CLDN16: variants seen among roughly 807,000 people sequenced by gnomAD.
CLDN16 encodes claudin-16.
CLDN16 carries 13 observed loss-of-function variants against 24.6 expected under a neutral mutation model. The observed-to-expected ratio is 0.53, with a 90% CI of 0.34 to 0.84. CLDN16 has a LOEUF of 0.84. Ranked by LOEUF, CLDN16 falls within the 40% of genes least tolerant of loss-of-function variation. CLDN16 has a pLI of 0.01. For missense variants in CLDN16, 298 were observed against 292.7 expected, an observed-to-expected ratio of 1.02 and a Z score of -0.13; for synonymous variants, 116 against 106.7, an observed-to-expected ratio of 1.09 and a Z score of -0.54.
At chr3:190,322,269 G>T (rs1716948745), upstream of CLDN16, 1 of 1,478,792 alleles carries the variant, frequency 6.8e-7, no homozygotes, top group Non-Finnish European at 9.4e-7. Flanking sequence ...GAGTTTGCAG[G>T]TGGGCAACCC....
chr3:190,313,731 G>A, the CLDN16 span, among the ~76,000 whole-genome samples: 2 of 152,110 alleles, frequency 1.3e-5, no homozygotes, highest in African/African-American at 2.4e-5. Context: ...TATTTAAGCT[G>A]CCATGTTGTA....
At chr3:190,376,387 GA>G (rs753513492) in intron 3 of CLDN16, among the ~76,000 whole-genome samples, 3 of 150,192 alleles carry the variant, frequency 2.0e-5, no homozygotes, top group South Asian at 2.1e-4. Context: ...TCACAAAATT[GA>G]AAAAAAAATC....
In CLDN16 at chr3:190,354,600, T is replaced by G. The variant is rs1464401262; in HGVS notation, n.122-16293T>G. ...TCCAGTCTGGCCAATAAGAGACATT[T>G]CTACTTTTTAAAAGTGGTGCAAATT... is the stretch of plus-strand genomic sequence containing the variant. On this transcript the variant is annotated intron_variant and non_coding_transcript_variant, in intron 1 of 4. Coordinates refer to the CLDN16 transcript ENST00000468220. Among the ~76,000 whole-genome samples, 10 of 152,012 alleles carry G rather than the reference T, an allele frequency of 6.6e-5. No individual in the cohort carries two copies. The South Asian group carries it at 2.1e-3, about 31-fold the overall frequency.
the CLDN16 span, among the ~76,000 whole-genome samples, chr3:190,297,443 G>A: frequency 7.4e-6 from 1 of 135,054 alleles, no homozygotes; most frequent in Non-Finnish European, 1.5e-5. Flanking sequence ...ACATACATAT[G>A]TAAATATATG....
chr3:190,325,637 G>A (rs551096643), intron 1 of CLDN16, among the ~76,000 whole-genome samples: 2 of 152,156 alleles, frequency 1.3e-5, no homozygotes, highest in African/African-American at 2.4e-5. Flanking sequence ...AGAAGCAAAG[G>A]TAAGACTGTG....
intron 1 of CLDN16, among the ~76,000 whole-genome samples, chr3:190,354,158 C>T (rs1450235125): frequency 6.6e-6 from 1 of 151,938 alleles, no homozygotes; most frequent in African/African-American, 2.4e-5. Flanking sequence ...ATACTGGTGA[C>T]TGCATTTAGG....
intron 3 of CLDN16, among the ~76,000 whole-genome samples, chr3:190,406,634 G>C (rs949664765): frequency 1.3e-5 from 2 of 151,872 alleles, no homozygotes; most frequent in African/African-American, 4.8e-5. Flanking sequence ...CTGTTTTGAA[G>C]GTTTAGAAAG....
At chr3:190,338,677 C>A (rs547771887) in intron 1 of CLDN16, among the ~76,000 whole-genome samples, 7 of 152,272 alleles carry the variant, frequency 4.6e-5, no homozygotes, top group Admixed American at 4.6e-4. Flanking sequence ...TTATTGACAG[C>A]CTTGAGATCA....
chr3:190,316,613 T>C, the CLDN16 span, among the ~76,000 whole-genome samples: 1 of 152,188 alleles, frequency 6.6e-6, no homozygotes, highest in Non-Finnish European at 1.5e-5. Context: ...CATAGAAGTG[T>C]TTTAAATCAG....
intron 1 of CLDN16, among the ~76,000 whole-genome samples, chr3:190,335,953 A>G (rs1358763985): frequency 6.6e-6 from 1 of 152,152 alleles, no homozygotes. Context: ...TAGAGTATTT[A>G]TAGTTTCTTG....
chr3:190,404,944 C>A lies in CLDN16; in HGVS notation c.382+18C>A. On this transcript the variant is annotated intron_variant, in intron 3 of 4. Transcript: ENST00000264734. Reference sequence around the variant, plus strand: ...AATAGCAGGTACCGGTCTGGCTGGACTAGCAACAGGGGTAGGGAGACTCTG... The same window carrying A: ...AATAGCAGGTACCGGTCTGGCTGGAATAGCAACAGGGGTAGGGAGACTCTG... 3 of 1,613,168 alleles carry A rather than the reference C, an allele frequency of 1.9e-6. No individual in the cohort carries two copies. The highest frequency in any genetic ancestry group is 2.5e-6 in the Non-Finnish European group (3 of 1,179,342).
chr3:190,353,883 T>A (rs1379950446), intron 1 of CLDN16, among the ~76,000 whole-genome samples: 1 of 152,056 alleles, frequency 6.6e-6, no homozygotes, highest in Non-Finnish European at 1.5e-5. Flanking sequence ...TACCACTAAC[T>A]TGGTGGTTTA....
chr3:190,350,203 A>G (rs1397119962), intron 1 of CLDN16, among the ~76,000 whole-genome samples: 1 of 152,146 alleles, frequency 6.6e-6, no homozygotes, highest in Non-Finnish European at 1.5e-5. Flanking sequence ...AATTTGTATG[A>G]AAAAGGAACA....
intron 1 of CLDN16, among the ~76,000 whole-genome samples, chr3:190,395,157 A>T (rs888512731): frequency 6.6e-6 from 1 of 152,140 alleles, no homozygotes; most frequent in Non-Finnish European, 1.5e-5. Context: ...AAATATTTAG[A>T]AAGTTCAGAT....
At chr3:190,359,897 G>A (rs941868638) in intron 1 of CLDN16, among the ~76,000 whole-genome samples, 1 of 152,000 alleles carries the variant, frequency 6.6e-6, no homozygotes, top group Non-Finnish European at 1.5e-5. Flanking sequence ...GAGCTATGAG[G>A]CTCGATGTGA....
intron 1 of CLDN16, among the ~76,000 whole-genome samples, chr3:190,397,406 C>T (rs141323111): frequency 5.1e-4 from 77 of 152,240 alleles, no homozygotes; most frequent in African/African-American, 1.7e-3. Context: ...TTAACATTTG[C>T]ATTTTTTACC....
intron 3 of CLDN16, among the ~76,000 whole-genome samples, chr3:190,382,414 T>C (rs553022856): frequency 2.2e-4 from 34 of 152,224 alleles, no homozygotes; most frequent in African/African-American, 8.2e-4. Context: ...TTGAATTCTA[T>C]GAAAGAAAAC....
intron 1 of CLDN16, among the ~76,000 whole-genome samples, chr3:190,353,435 T>G (rs922726422): frequency 5.3e-5 from 8 of 152,062 alleles, no homozygotes; most frequent in Non-Finnish European, 1.0e-4. Flanking sequence ...CCAATCCTAA[T>G]AAAAACATAA....
intron 1 of CLDN16, among the ~76,000 whole-genome samples, chr3:190,339,474 G>A (rs1283738358): frequency 3.3e-5 from 5 of 152,210 alleles, no homozygotes; most frequent in African/African-American, 1.2e-4. Context: ...CAATCTGGCA[G>A]CAGTGTTGAG....
Sources: allele counts gnomAD v4.1 joint callset (sites outside exome capture counted in the v4.1 genomes callset), GRCh38; gene constraint gnomAD v4.1.1; transcripts MANE v1.5; gene names NCBI Gene and HGNC (gene_info 2026-07-23, HGNC 2026-07-21).